The following SCUBE2 variants were observed in gnomAD, a reference collection of about 807,000 sequenced individuals.
SCUBE2 encodes the protein signal peptide, CUB and EGF-like domain-containing protein 2.
Under a neutral mutation model 125.9 loss-of-function variants are expected in SCUBE2, and 114 were observed. That is an observed-to-expected ratio of 0.91 (90% confidence interval 0.78 to 1.06). The LOEUF (loss-of-function observed/expected upper bound fraction) is 1.06, where lower values mean the gene tolerates loss of function less well. Ranked by LOEUF, SCUBE2 falls within the 50% of genes least tolerant of loss-of-function variation. The pLI is 0.00. For synonymous variants in SCUBE2, 459 were observed against 492.9 expected, an observed-to-expected ratio of 0.93 and a Z score of 0.91; for missense variants, 1,255 against 1,301.8, an observed-to-expected ratio of 0.96 and a Z score of 0.55.
chr11:9,060,313 T>A, intron 8 of SCUBE2, 95 bp downstream of exon 8: 1 of 879,656 alleles, frequency 1.1e-6, no homozygotes, highest in South Asian at 1.5e-5. Context: ...TCACGTGGGG[T>A]ATGGAGGGTA....
At chr11:9,055,735 G>T in intron 10 of SCUBE2, 58 bp downstream of exon 10, 1 of 1,376,786 alleles carries the variant, frequency 7.3e-7, no homozygotes, top group Non-Finnish European at 1.0e-6. Context: ...GGTAGGCCCT[G>T]CTCCCCTCCA....
At position 9,025,732 on chromosome 11, in the gene SCUBE2, C is replaced by G; in HGVS notation, c.2824G>C (p.Gly942Arg). Residue 942 changes from glycine to arginine, a missense_variant, in exon 21 of 23, where the codon GGG (glycine) becomes CGG (arginine). Around this residue, in one of 3 missense-constraint regions of SCUBE2, gnomAD observed 515 missense variants for 515.7 expected, o/e 1.00. Transcript: ENST00000649792. ...TATGTCACGTATGGGACCTGGAACCCTCTAGCGCTGTTCCCTTCATTGGAC... is the reference window on the plus strand; with the variant it reads ...TATGTCACGTATGGGACCTGGAACCGTCTAGCGCTGTTCCCTTCATTGGAC... ...FKSNEGNSAR[G>R]FQVPYVTYDE... 1 of 1,614,214 alleles carries G rather than the reference C, an allele frequency of 6.2e-7. No individual in the cohort carries two copies. The highest frequency in any genetic ancestry group is 8.5e-7 in the Non-Finnish European group (1 of 1,180,044).
intron 7 of SCUBE2, among the ~76,000 whole-genome samples, chr11:9,065,310 T>A (rs1198522662): frequency 6.6e-6 from 1 of 152,132 alleles, no homozygotes; most frequent in Non-Finnish European, 1.5e-5. Context: ...CCCATGCTGT[T>A]CTCATGATAG....
chr11:9,083,673 G>C (rs996424748), intron 2 of SCUBE2, among the ~76,000 whole-genome samples: 8 of 151,690 alleles, frequency 5.3e-5, no homozygotes, highest in African/African-American at 1.9e-4. Context: ...TCCTGCCTCA[G>C]CCTCCCGAGT....
At chr11:9,024,116 A>G in intron 21 of SCUBE2, 1 of 685,342 alleles carries the variant, frequency 1.5e-6, no homozygotes, top group African/African-American at 1.9e-5. Context: ...GTGGGCATAC[A>G]CTGCATTATG....
rs199744412 is a variant in SCUBE2, at chr11:9,069,354, A to G, written c.643+16T>C. Reference sequence around the variant, plus strand: ...ACGACGGTTCCCATGGCAGGTGTGCACTGGCCCATACTTACAGATGCAGTC... The same window carrying G: ...ACGACGGTTCCCATGGCAGGTGTGCGCTGGCCCATACTTACAGATGCAGTC... On this transcript the variant is annotated intron_variant, in intron 5 of 22. Coordinates refer to ENST00000649792, the MANE Select transcript of SCUBE2 (RefSeq NM_001367977.2). 216 of 1,614,076 alleles carry G rather than the reference A, an allele frequency of 1.3e-4. No homozygotes were observed. In the Admixed American group the frequency reaches 1.7e-3, roughly 13 times the overall value.
At chr11:9,063,826 A>T (rs1564833135) in intron 7 of SCUBE2, among the ~76,000 whole-genome samples, 2 of 152,210 alleles carry the variant, frequency 1.3e-5, no homozygotes, top group Non-Finnish European at 2.9e-5. Context: ...TCACCAAGAA[A>T]ATTGATTTGA....
At chr11:9,054,723 A>ATT (rs1387071794) in intron 10 of SCUBE2, among the ~76,000 whole-genome samples, 1 of 38,842 alleles carries the variant, frequency 2.6e-5, no homozygotes, top group Non-Finnish European at 4.4e-5. Flanking sequence ...ATATATATAT[A>ATT]TATTTTTTTT....
At chr11:9,055,550 C>T (rs1157931624) in intron 10 of SCUBE2, among the ~76,000 whole-genome samples, 1 of 152,222 alleles carries the variant, frequency 6.6e-6, no homozygotes, top group African/African-American at 2.4e-5. Context: ...AGAGAATTCA[C>T]AGCTGGAAGA....
intron 1 of SCUBE2, among the ~76,000 whole-genome samples, chr11:9,090,796 A>G (rs565925586): frequency 1.3e-5 from 2 of 152,060 alleles, no homozygotes; most frequent in Admixed American, 6.5e-5. Context: ...AATTAAAAAC[A>G]AAAGCATTTT....
chr11:9,032,852 A>C (rs1322359889), intron 17 of SCUBE2, among the ~76,000 whole-genome samples: 1 of 152,248 alleles, frequency 6.6e-6, no homozygotes, highest in East Asian at 1.9e-4. Flanking sequence ...TAGGAGTCAC[A>C]CAGTCAATAT....
In SCUBE2 at chr11:9,025,801, T is replaced by C. The variant is rs1566158994; in HGVS notation, c.2755A>G (p.Ile919Val). 2 of 1,614,178 alleles carry C rather than the reference T, an allele frequency of 1.2e-6. No individual in the cohort carries two copies. The highest frequency in any genetic ancestry group is 2.2e-5 in the East Asian group (1 of 44,888). The change falls in exon 21 of 23, where the codon ATC becomes GTC. Residue 919 changes from isoleucine to valine, a missense_variant. Around this residue, in one of 3 missense-constraint regions of SCUBE2, gnomAD observed 515 missense variants for 515.7 expected, o/e 1.00. Transcript: ENST00000649792. Reference protein sequence around the residue: ...YETCQTYERPIAFTSRSKKLW... With the variant: ...YETCQTYERPVAFTSRSKKLW... ...TTCTTTGACCTGGAGGTGAAGGCGA[T>C]GGGGCGTTCGTAGGTCTGGCAGGTT...
intron 20 of SCUBE2, 59 bp downstream of exon 20, chr11:9,027,305 G>T: frequency 6.5e-7 from 1 of 1,537,634 alleles, no homozygotes; most frequent in South Asian, 1.1e-5. Flanking sequence ...AAAGCCTGAG[G>T]AGCAGGTCAT....
rs1350465745 is a variant in SCUBE2 at position 9,047,423 on chromosome 11, A to T, written c.1935T>A (p.Pro645=). 1 of 1,613,938 alleles carries T rather than the reference A, an allele frequency of 6.2e-7. No individual in the cohort carries two copies. Among genetic ancestry groups the T allele is most frequent in the African/African-American group, 1.3e-5 (1 of 74,846 alleles). Residue 645 remains proline (P), a synonymous_variant, in exon 16 of 23, where the codon CCT becomes CCA. Coordinates refer to ENST00000649792, the MANE Select transcript of SCUBE2 (RefSeq NM_001367977.2). ...SGMNLDVAKK[P]PRTSERQAES... is the part of the protein sequence containing the mutation. ...CTGCCTGGCGTTCAGATGTTCTGGG[A>T]GGCTTTTTAGCCACGTCGAGGTTCA...
chr11:9,038,479 A>G (rs1276040031), intron 16 of SCUBE2, among the ~76,000 whole-genome samples: 1 of 152,128 alleles, frequency 6.6e-6, no homozygotes, highest in Non-Finnish European at 1.5e-5. Flanking sequence ...TCTTTCCAAA[A>G]TCACCTTAAA....
intron 16 of SCUBE2, among the ~76,000 whole-genome samples, chr11:9,036,214 A>G (rs1856739915): frequency 6.6e-6 from 1 of 152,262 alleles, no homozygotes; most frequent in Non-Finnish European, 1.5e-5. Context: ...TTAAAAAATT[A>G]AAAGTGAACC....
intron 2 of SCUBE2, among the ~76,000 whole-genome samples, chr11:9,080,762 G>A (rs1477862427): frequency 1.3e-5 from 2 of 151,760 alleles, no homozygotes; most frequent in East Asian, 3.9e-4. Context: ...ATAAACTGGA[G>A]TTTATCAAAA....
chr11:9,037,222 A>G lies in SCUBE2; in HGVS notation c.2003-3426T>C, dbSNP rs369380278. ...CAGCAGCCAGCTTGTTTTGCTGCCCAGGACAAAGGAGTCAATTGCCCCCAG... is the reference window on the plus strand; with the variant it reads ...CAGCAGCCAGCTTGTTTTGCTGCCCGGGACAAAGGAGTCAATTGCCCCCAG... On this transcript the variant is annotated intron_variant, in intron 16 of 22. Transcript: ENST00000649792. 6.6e-5 allele frequency among the ~76,000 whole-genome samples: 10 copies of G among 152,350 alleles called. No homozygotes were observed. The East Asian group carries it at 1.2e-3, about 18-fold the overall frequency.
Position 9,091,434 on chromosome 11 carries a change from A to G in SCUBE2, c.95T>C (p.Val32Ala), listed in dbSNP as rs1224614659. Residue 32 changes from valine to alanine, a missense_variant, in exon 1 of 23, where the codon GTC (valine) becomes GCC (alanine). By Grantham distance (64) the Val-to-Ala change is moderately conservative. Transcript: ENST00000649792. This position sits in a 1 kb window ranked among gnomAD's most constrained non-coding sequence, Gnocchi z 8.5. ...CGCGGCACGGCCCCGACCCGGCGGG[A>G]CGGCCCCCGCCAGCAGCAGCAGTGG... The part of the protein sequence containing the change: ...LPPLLLLAGA[V>A]PPGRGRAAGP... The G allele has an allele frequency of 1.5e-6, 2 of 1,331,936 alleles. No individual in the cohort carries two copies. The highest frequency in any genetic ancestry group is 1.9e-6 in the Non-Finnish European group (2 of 1,042,848). The allele number at this position is 1,331,936 out of a possible 1,614,324, so 82.5% of individuals were successfully genotyped here.
Sources: gnomAD v4.1 joint callset for allele counts (sites outside exome capture counted in the v4.1 genomes callset) on GRCh38, gnomAD v4.1.1 for gene constraint, gnomAD v4.1.1 regional missense constraint, Gnocchi (gnomAD v3.1) non-coding constraint, MANE v1.5 for transcripts, NCBI Gene and HGNC (gene_info 2026-07-23, HGNC 2026-07-21) for gene names.